The following CCDC73 variants were observed in gnomAD, a reference collection of about 807,000 sequenced individuals.
CCDC73 encodes coiled-coil domain containing 73.
CCDC73 carries 95 observed loss-of-function variants against 116.5 expected under a neutral mutation model. The observed-to-expected ratio is 0.82, with a 90% confidence interval of 0.69 to 0.97. The LOEUF is 0.97. Ranked by LOEUF, CCDC73 falls within the 50% of genes least tolerant of loss-of-function variation. The pLI is 0.00. For synonymous variants in CCDC73, 398 were observed against 401.3 expected (o/e 0.99, Z 0.10); for missense variants, 1,066 against 1,206.8 (o/e 0.88, Z 1.73).
intron 6 of CCDC73, among the ~76,000 whole-genome samples, chr11:32,688,589 T>C (rs1256945837): frequency 2.6e-5 from 4 of 152,206 alleles, no homozygotes; most frequent in Non-Finnish European, 5.9e-5. Flanking sequence ...TGCTGTGTTA[T>C]GGTTTTACAG....
At chr11:32,727,220 TG>T (rs1257944557) in intron 2 of CCDC73, among the ~76,000 whole-genome samples, 1 of 152,246 alleles carries the variant, frequency 6.6e-6, no homozygotes, top group Non-Finnish European at 1.5e-5. Context: ...TTGATATTCA[TG>T]TGAATCACTG....
chr11:32,820,949 T>G, the CCDC73 span, among the ~76,000 whole-genome samples: 1 of 152,218 alleles, frequency 6.6e-6, no homozygotes, highest in Non-Finnish European at 1.5e-5. Flanking sequence ...TTCAGTACTT[T>G]AAAGAGTAAA....
upstream of CCDC73, among the ~76,000 whole-genome samples, chr11:32,795,581 G>C (rs11031989): frequency 3.2e-4 from 49 of 151,932 alleles, no homozygotes; most frequent in African/African-American, 1.2e-3. Context: ...CTAATGCTAT[G>C]TTTCAGTATG....
intron 14 of CCDC73, among the ~76,000 whole-genome samples, chr11:32,632,131 A>G (rs1199224254): frequency 6.6e-6 from 1 of 152,082 alleles, no homozygotes; most frequent in African/African-American, 2.4e-5. Flanking sequence ...ATGTACTAAG[A>G]CTTATTTTTT....
rs183408900 is a variant in CCDC73 at position 32,763,346 on chromosome 11, A to G, written c.-15-3088T>C. On this transcript the variant is annotated intron_variant, in intron 1 of 17. Transcript: ENST00000335185. The stretch of plus-strand genomic sequence containing the variant: ...GAGTAGCCTAACTGGGAGGCCCCCC[A>G]GTAGGGGCAGACTGATACCTCACAT... Among the ~76,000 whole-genome samples, 195 of 152,334 alleles carry G rather than the reference A, an allele frequency of 1.3e-3. 5 individuals carry two copies. The highest frequency in any genetic ancestry group is 0.012 in the Admixed American group (188 of 15,308).
chr11:32,685,028 C>T (rs1214312510), intron 6 of CCDC73, among the ~76,000 whole-genome samples: 1 of 151,876 alleles, frequency 6.6e-6, no homozygotes, highest in Non-Finnish European at 1.5e-5. Context: ...GCCAACCAGC[C>T]ATGTATGAGT....
intron 16 of CCDC73, among the ~76,000 whole-genome samples, chr11:32,612,949 A>AT (rs1045905029): frequency 6.6e-6 from 1 of 152,196 alleles, no homozygotes; most frequent in African/African-American, 2.4e-5. Flanking sequence ...TAACATCTGA[A>AT]TGCATGAATA....
At chr11:32,706,176 A>G (rs992530564) in intron 3 of CCDC73, among the ~76,000 whole-genome samples, 42 of 152,282 alleles carry the variant, frequency 2.8e-4, no homozygotes, top group African/African-American at 9.4e-4. Context: ...AATAAAGGTG[A>G]CTCTAACCAC....
At chr11:32,737,667 C>A (rs1850147081) in intron 2 of CCDC73, among the ~76,000 whole-genome samples, 1 of 151,792 alleles carries the variant, frequency 6.6e-6, no homozygotes, top group African/African-American at 2.4e-5. Context: ...TCCATCACCT[C>A]AAGCATTTAT....
chr11:32,708,549 T>G (rs1415369265), intron 3 of CCDC73, among the ~76,000 whole-genome samples: 1 of 152,228 alleles, frequency 6.6e-6, no homozygotes. Context: ...GGGATGTGTT[T>G]CCATTTGTTT....
chr11:32,786,574 AG>A (rs1850631445), intron 1 of CCDC73, among the ~76,000 whole-genome samples: 1 of 149,262 alleles, frequency 6.7e-6, no homozygotes, highest in Non-Finnish European at 1.5e-5. Context: ...AAATGCTTAA[AG>A]CATCATTTCA....
chr11:32,826,716 T>C, the CCDC73 span, among the ~76,000 whole-genome samples: 1 of 151,274 alleles, frequency 6.6e-6, no homozygotes, highest in Admixed American at 6.6e-5. Context: ...TGACTATTCA[T>C]TTACTTCATG....
At chr11:32,688,774 A>G (rs2133301203) in intron 6 of CCDC73, among the ~76,000 whole-genome samples, 1 of 152,360 alleles carries the variant, frequency 6.6e-6, no homozygotes, top group African/African-American at 2.4e-5. Context: ...TCTTAAAAAC[A>G]TTGTGGAATG....
Position 32,761,406 on chromosome 11 carries a change from C to T in CCDC73, c.-15-1148G>A, listed in dbSNP as rs1389387664. On this transcript the variant is annotated intron_variant, in intron 1 of 17. Coordinates refer to ENST00000335185, the MANE Select transcript of CCDC73 (RefSeq NM_001008391.4). ...AAGGTGCTATAAACATTTATGTACA[C>T]ATTTCTCTGTGACCATAATTTTTCA... Among the ~76,000 whole-genome samples the T allele has an allele frequency of 1.3e-5, 2 of 152,186 alleles. 1 individual carries two copies. The highest frequency in any genetic ancestry group is 4.1e-4 in the South Asian group (2 of 4,826).
chr11:32,814,998 G>A, the CCDC73 span, among the ~76,000 whole-genome samples: 1 of 152,146 alleles, frequency 6.6e-6, no homozygotes, highest in African/African-American at 2.4e-5. Context: ...AGACAGAAGG[G>A]TGATTAAAGT....
chr11:32,681,100 T>C lies in CCDC73; in HGVS notation c.429+2436A>G, dbSNP rs573596411. On this transcript the variant is annotated intron_variant, in intron 7 of 17. Transcript: ENST00000335185. ...TCTTAATCTATCAAAACTTTCAATA[T>C]TGAAATTGCTTTAACTTCATAAAGA... The C allele has an allele frequency of 2.6e-5, 4 of 152,128 alleles. No individual in the cohort carries two copies. In the East Asian group the frequency reaches 7.7e-4, roughly 29 times the overall value. 9.4% of individuals were successfully genotyped at this position (152,128 alleles called of 1,614,324 possible). A position where few individuals can be genotyped will look rare whatever the true frequency, so the allele number is the denominator to read the frequency against.
intron 3 of CCDC73, among the ~76,000 whole-genome samples, chr11:32,709,554 T>G (rs1452901946): frequency 1.3e-5 from 2 of 152,136 alleles, no homozygotes; most frequent in African/African-American, 4.8e-5. Context: ...CCTTAGCCTC[T>G]CAAGGTGCTG....
chr11:32,679,077 A>ATTTCTC (rs1381410431), intron 7 of CCDC73, among the ~76,000 whole-genome samples: 1 of 152,062 alleles, frequency 6.6e-6, no homozygotes, highest in Non-Finnish European at 1.5e-5. Context: ...TCAGTTGAAA[A>ATTTCTC]TTTCTCATGT....
intron 17 of CCDC73, 111 bp downstream of exon 17, chr11:32,611,021 A>G (rs1389913301): frequency 2.0e-6 from 2 of 991,480 alleles, no homozygotes; most frequent in Non-Finnish European, 2.9e-6. Flanking sequence ...CCCTCTTGAT[A>G]TTATTTTGGA....
Sources: gnomAD v4.1 joint callset for allele counts (sites outside exome capture counted in the v4.1 genomes callset) on GRCh38, gnomAD v4.1.1 for gene constraint, MANE v1.5 for transcripts, NCBI Gene and HGNC (gene_info 2026-07-23, HGNC 2026-07-21) for gene names.